AHCTF1: variants seen among roughly 807,000 people sequenced by gnomAD.
AHCTF1 encodes the protein AT-hook containing transcription factor 1, also known as protein ELYS.
Under a neutral mutation model 248.4 loss-of-function variants are expected in AHCTF1, and 24 were observed. The observed-to-expected ratio is 0.10, with a 90% confidence interval of 0.07 to 0.14. The LOEUF (loss-of-function observed/expected upper bound fraction) is 0.14, where lower values mean the gene tolerates loss of function less well. Ranked by LOEUF, AHCTF1 falls within the 10% of genes least tolerant of loss-of-function variation. AHCTF1 has a pLI of 1.00. For synonymous variants in AHCTF1, 786 were observed against 929.8 expected (o/e 0.85, Z 2.81); for missense variants, 2,206 against 2,636.2 (o/e 0.84, Z 3.57).
intron 17 of AHCTF1, among the ~76,000 whole-genome samples, chr1:246,888,727 C>T (rs1414162061): frequency 1.3e-5 from 2 of 151,914 alleles, no homozygotes; most frequent in South Asian, 2.1e-4. Context: ...CTGGGCAATA[C>T]AGCAAGACCC....
Position 246,885,645 on chromosome 1 carries a change from T to G in AHCTF1, c.2508A>C (p.Ala836=). 1 of 1,612,536 alleles carries G rather than the reference T, an allele frequency of 6.2e-7. No homozygotes were observed. The highest frequency in any genetic ancestry group is 8.5e-7 in the Non-Finnish European group (1 of 1,179,096). The change falls in exon 21 of 36, where the codon GCA becomes GCC. Residue 836 remains alanine (A), a synonymous_variant. Coordinates refer to ENST00000648844, the MANE Select transcript of AHCTF1 (RefSeq NM_001323342.2). ...TTGAATGTTGCCATGACAAAGGTTT[T>G]GCAGTAGCTGGATGAAACAAAAGAT... ...GLDLLFHPAT[A]KPLSWQHSKI...
At chr1:246,928,277 T>C (rs1667092971) in intron 1 of AHCTF1, among the ~76,000 whole-genome samples, 1 of 136,330 alleles carries the variant, frequency 7.3e-6, no homozygotes, top group African/African-American at 2.8e-5. Context: ...CACTGTAGCC[T>C]GGGCGACAGA....
chr1:246,844,716 G>A (rs1043431943), intron 33 of AHCTF1, among the ~76,000 whole-genome samples: 25 of 151,864 alleles, frequency 1.6e-4, no homozygotes, highest in African/African-American at 6.0e-4. Context: ...AGAGTGAAAA[G>A]CTAACAGGAA....
At chr1:246,913,660 G>A (rs770804565) in intron 3 of AHCTF1, among the ~76,000 whole-genome samples, 1 of 152,132 alleles carries the variant, frequency 6.6e-6, no homozygotes, top group Non-Finnish European at 1.5e-5. Context: ...TTACTGATAC[G>A]CCAGGCATTG....
At position 246,905,541 on chromosome 1, in the gene AHCTF1, C is replaced by G. The variant is rs1665326533; in HGVS notation, c.881G>C (p.Ser294Thr). 1.9e-6 allele frequency: 3 copies of G among 1,608,270 alleles called. No individual in the cohort carries two copies. The highest frequency in any genetic ancestry group is 2.5e-6 in the Non-Finnish European group (3 of 1,176,824). The change falls in exon 6 of 36, where the codon AGT becomes ACT. Residue 294 changes from serine to threonine, a missense_variant and splice_region_variant. Around this residue, in one of 6 missense-constraint regions of AHCTF1, gnomAD observed 650 missense variants for 870.8 expected, o/e 0.75. Coordinates refer to ENST00000648844, the MANE Select transcript of AHCTF1 (RefSeq NM_001323342.2). ...YLWAVQSTQD[S>T]EGDVLSLHLL... ...AAAACAAAGTTTGTATGAGACCTAC[C>G]TATCTTGTGTAGACTGAACAGCCCA...
chr1:246,870,699 T>G (rs931348210), intron 24 of AHCTF1, among the ~76,000 whole-genome samples: 6 of 138,544 alleles, frequency 4.3e-5, no homozygotes, highest in African/African-American at 1.4e-4. Flanking sequence ...CTAAACTTTC[T>G]AGCTAAAAGA....
intron 23 of AHCTF1, among the ~76,000 whole-genome samples, chr1:246,876,500 A>T (rs1662975602): frequency 6.6e-6 from 1 of 152,220 alleles, no homozygotes; most frequent in African/African-American, 2.4e-5. Context: ...ACAACCTCAC[A>T]AGGAGATTTT....
At chr1:246,919,109 G>A (rs1431903369) in intron 1 of AHCTF1, among the ~76,000 whole-genome samples, 1 of 152,082 alleles carries the variant, frequency 6.6e-6, no homozygotes, top group Admixed American at 6.6e-5. Flanking sequence ...TTAAAATACA[G>A]AAAGATTTTA....
At chr1:246,923,612 A>G (rs1015981603) in intron 1 of AHCTF1, among the ~76,000 whole-genome samples, 2 of 152,198 alleles carry the variant, frequency 1.3e-5, no homozygotes, top group African/African-American at 2.4e-5. Context: ...TTCAATCAAC[A>G]TTTCTGGTAT....
intron 24 of AHCTF1, among the ~76,000 whole-genome samples, chr1:246,871,487 A>T (rs1216345836): frequency 6.6e-6 from 1 of 152,174 alleles, no homozygotes; most frequent in African/African-American, 2.4e-5. Flanking sequence ...CCCTTTCAGA[A>T]CTCTCAAGTT....
At chr1:246,917,462 T>C (rs1303651876) in intron 2 of AHCTF1, among the ~76,000 whole-genome samples, 2 of 152,162 alleles carry the variant, frequency 1.3e-5, no homozygotes, top group Non-Finnish European at 2.9e-5. Flanking sequence ...AACGCCAAGG[T>C]TCCAAGATCC....
chr1:246,844,488 AG>A (rs913032607), intron 33 of AHCTF1, among the ~76,000 whole-genome samples: 2 of 152,160 alleles, frequency 1.3e-5, no homozygotes, highest in African/African-American at 4.8e-5. Context: ...TGGGAGGCTG[AG>A]GTAGGAGGAC....
chr1:246,915,733 T>C (rs1464127755), intron 3 of AHCTF1, among the ~76,000 whole-genome samples: 4 of 152,164 alleles, frequency 2.6e-5, no homozygotes, highest in African/African-American at 4.8e-5. Context: ...TCCAAGACTA[T>C]TGTCGCAAAT....
chr1:246,892,547 C>T (rs986358617), intron 14 of AHCTF1, among the ~76,000 whole-genome samples: 22 of 152,052 alleles, frequency 1.4e-4, no homozygotes, highest in Non-Finnish European at 2.5e-4. Context: ...CCTCGAACTC[C>T]TGACCTCAGG....
chr1:246,868,133 T>TTTC (rs1283646195), intron 24 of AHCTF1, among the ~76,000 whole-genome samples: 5 of 149,540 alleles, frequency 3.3e-5, no homozygotes, highest in African/African-American at 1.2e-4. Context: ...GGCTAATTTT[T>TTTC]TTTTTTTTTT....
chr1:246,905,682 A>C, intron 5 of AHCTF1, 25 bp from the exon 6 acceptor site: 1 of 1,560,584 alleles, frequency 6.4e-7, no homozygotes. Flanking sequence ...TATATTTCAT[A>C]TTTTTAAGTT....
In AHCTF1 at chr1:246,896,712, C is replaced by A. The variant is rs553340594; in HGVS notation, c.1624-787G>T. Reference sequence around the variant, plus strand: ...GTACACTTGAAATATCTGAACTGCACGGTGTATGAAATATCTCAATAAAGC... The same window carrying A: ...GTACACTTGAAATATCTGAACTGCAAGGTGTATGAAATATCTCAATAAAGC... On this transcript the variant is annotated intron_variant, in intron 12 of 35. Coordinates refer to ENST00000648844, the MANE Select transcript of AHCTF1 (RefSeq NM_001323342.2). Among the ~76,000 whole-genome samples the A allele has an allele frequency of 3.9e-5, 6 of 152,232 alleles. No homozygotes were observed. In the South Asian group the frequency reaches 1.2e-3, roughly 32 times the overall value.
At chr1:246,902,915 C>A (rs891904375) in intron 7 of AHCTF1, among the ~76,000 whole-genome samples, 1 of 152,142 alleles carries the variant, frequency 6.6e-6, no homozygotes, top group Non-Finnish European at 1.5e-5. Flanking sequence ...AACACAGAAG[C>A]CCTCATGCAC....
intron 31 of AHCTF1, 138 bp downstream of exon 31, chr1:246,855,592 G>T: frequency 1.5e-6 from 1 of 653,626 alleles, no homozygotes; most frequent in Non-Finnish European, 2.5e-6. Flanking sequence ...TCTACACCAG[G>T]AAAGCTGACC....
Sources: allele counts gnomAD v4.1 joint callset (sites outside exome capture counted in the v4.1 genomes callset), GRCh38; gene constraint gnomAD v4.1.1; regional missense constraint gnomAD v4.1.1; transcripts MANE v1.5; gene names NCBI Gene and HGNC (gene_info 2026-07-23, HGNC 2026-07-21).